ADAMTSL1: variants seen among roughly 807,000 people sequenced by gnomAD.
ADAMTSL1 encodes ADAMTS like 1, also known as ADAMTS-like protein 1.
Under a neutral mutation model 201.8 loss-of-function variants are expected in ADAMTSL1, and 126 were observed. The observed-to-expected ratio is 0.62, with a 90% confidence interval of 0.54 to 0.72. The LOEUF (loss-of-function observed/expected upper bound fraction) is 0.72. Among genes scored for constraint, ADAMTSL1 ranks in the 30% least tolerant of loss-of-function variants. ADAMTSL1 has a pLI of 0.00. For missense variants in ADAMTSL1, 2,679 were observed against 2,277.8 expected (o/e 1.18, Z -3.59); for synonymous variants, 1,121 against 903.4 (o/e 1.24, Z -4.32).
intron 16 of ADAMTSL1, among the ~76,000 whole-genome samples, chr9:18,767,483 C>T (rs1212674121): frequency 6.6e-6 from 1 of 151,948 alleles, no homozygotes; most frequent in East Asian, 1.9e-4. Context: ...CTTGTTGGTT[C>T]GATGTAAGAA....
chr9:18,508,124 G>T (rs1006643531), intron 2 of ADAMTSL1, among the ~76,000 whole-genome samples: 28 of 151,950 alleles, frequency 1.8e-4, no homozygotes, highest in Admixed American at 1.8e-3. Context: ...GGCAGAGGTT[G>T]CAGTGAGCCA....
chr9:18,521,452 A>T (rs554301948), intron 2 of ADAMTSL1, among the ~76,000 whole-genome samples: 1 of 151,902 alleles, frequency 6.6e-6, no homozygotes, highest in East Asian at 1.9e-4. Context: ...ACCCACAAAA[A>T]TTAAAAATTT....
chr9:18,614,821 G>A (rs1825599546), intron 4 of ADAMTSL1, among the ~76,000 whole-genome samples: 1 of 152,044 alleles, frequency 6.6e-6, no homozygotes, highest in African/African-American at 2.4e-5. Flanking sequence ...TCCTCCCAAG[G>A]GTATTGGAAC....
chr9:18,665,009 A>C (rs952397630), intron 9 of ADAMTSL1, among the ~76,000 whole-genome samples: 3 of 152,114 alleles, frequency 2.0e-5, no homozygotes, highest in Admixed American at 6.6e-5. Context: ...AATTATAAAA[A>C]TTATCACAAT....
chr9:18,627,685 T>C (rs933170980), intron 5 of ADAMTSL1, among the ~76,000 whole-genome samples: 1 of 152,218 alleles, frequency 6.6e-6, no homozygotes, highest in African/African-American at 2.4e-5. Context: ...GCCTCTTCCA[T>C]ATTAAAGAAT....
chr9:18,567,809 GAT>G (rs1822018564), intron 3 of ADAMTSL1, among the ~76,000 whole-genome samples: 1 of 152,062 alleles, frequency 6.6e-6, no homozygotes, highest in South Asian at 2.1e-4. Flanking sequence ...ACATATATGA[GAT>G]AAAGTTTAAT....
At chr9:18,123,221 T>A (rs1825580793) in intron 1 of ADAMTSL1, among the ~76,000 whole-genome samples, 1 of 152,204 alleles carries the variant, frequency 6.6e-6, no homozygotes, top group Non-Finnish European at 1.5e-5. Context: ...TCTTCCAGAT[T>A]GCATTGTGAT....
At chr9:18,184,686 T>C (rs1020077707) in intron 2 of ADAMTSL1, among the ~76,000 whole-genome samples, 13 of 152,310 alleles carry the variant, frequency 8.5e-5, no homozygotes, top group Admixed American at 7.2e-4. Context: ...CATGTAGAAA[T>C]GACAGAGAGT....
chr9:18,115,543 G>GA (rs199771909), intron 1 of ADAMTSL1, among the ~76,000 whole-genome samples: 5 of 152,136 alleles, frequency 3.3e-5, no homozygotes, highest in African/African-American at 7.2e-5. Context: ...ACTTTAAAAG[G>GA]AAAAAAATCT....
At chr9:18,671,929 C>G (rs1354523551) in intron 9 of ADAMTSL1, among the ~76,000 whole-genome samples, 2 of 151,944 alleles carry the variant, frequency 1.3e-5, no homozygotes, top group African/African-American at 4.8e-5. Context: ...CCCAGCTACT[C>G]AGGAGGCCGA....
At chr9:18,303,276 T>C (rs982253482) in intron 2 of ADAMTSL1, among the ~76,000 whole-genome samples, 7 of 152,248 alleles carry the variant, frequency 4.6e-5, no homozygotes, top group African/African-American at 1.7e-4. Context: ...TTGAATGTCC[T>C]GCCTCAAGTT....
intron 2 of ADAMTSL1, among the ~76,000 whole-genome samples, chr9:18,224,786 T>A (rs930518032): frequency 6.6e-6 from 1 of 152,136 alleles, no homozygotes; most frequent in Non-Finnish European, 1.5e-5. Context: ...AGTACTCCTA[T>A]TGAATAGTGA....
intron 2 of ADAMTSL1, among the ~76,000 whole-genome samples, chr9:18,448,369 G>A (rs1239590348): frequency 3.3e-5 from 5 of 152,134 alleles, no homozygotes. Flanking sequence ...CACAAACTGA[G>A]AAGTTTGAAA....
chr9:18,630,067 G>T (rs908098010), intron 5 of ADAMTSL1, among the ~76,000 whole-genome samples: 1 of 152,026 alleles, frequency 6.6e-6, no homozygotes, highest in East Asian at 1.9e-4. Flanking sequence ...TTGGGTACTA[G>T]ATATTTTTGT....
chr9:18,845,191 C>T (rs562535476), intron 23 of ADAMTSL1, among the ~76,000 whole-genome samples: 4 of 152,182 alleles, frequency 2.6e-5, no homozygotes, highest in East Asian at 1.9e-4. Flanking sequence ...GCTCAAGTGT[C>T]GGCAGCACAC....
chr9:18,274,008 T>C (rs185340516), intron 2 of ADAMTSL1, among the ~76,000 whole-genome samples: 199 of 152,336 alleles, frequency 1.3e-3, no homozygotes, highest in African/African-American at 4.1e-3. Context: ...ATACAAATCA[T>C]AATTTAAATG....
At chr9:18,688,689 A>AAAAAAAATAT (rs1554730404) in intron 13 of ADAMTSL1, among the ~76,000 whole-genome samples, 3 of 8,652 alleles carry the variant, frequency 3.5e-4, no homozygotes, top group Non-Finnish European at 6.6e-4. Context: ...AAAAAAAAAA[A>AAAAAAAATAT]ATATATATAT....
At chr9:17,938,960 C>CT (rs1827123369) in intron 1 of ADAMTSL1, among the ~76,000 whole-genome samples, 1 of 152,116 alleles carries the variant, frequency 6.6e-6, no homozygotes, top group South Asian at 2.1e-4. Context: ...TGCCTAATGC[C>CT]TCTGTGCCTG....
At chr9:18,476,829 T>A (rs148488254) in intron 1 of ADAMTSL1, among the ~76,000 whole-genome samples, 140 of 152,298 alleles carry the variant, frequency 9.2e-4, no homozygotes, top group African/African-American at 3.2e-3. Flanking sequence ...ATCCCTCATT[T>A]CACTGACAGC....
Sources: gnomAD v4.1 joint callset for allele counts (sites outside exome capture counted in the v4.1 genomes callset) on GRCh38, gnomAD v4.1.1 for gene constraint, MANE v1.5 for transcripts, NCBI Gene and HGNC (gene_info 2026-07-23, HGNC 2026-07-21) for gene names.